SAMD12: variants seen among roughly 807,000 people sequenced by gnomAD.
The protein encoded by SAMD12 is sterile alpha motif domain containing 12, also known as sterile alpha motif domain-containing protein 12.
A neutral mutation model predicts 15.0 loss-of-function variants in SAMD12; 9 were observed. The ratio of observed to expected loss-of-function variants is 0.60; its 90% CI spans 0.36 to 1.05. SAMD12 has a LOEUF of 1.05. Ranked by LOEUF, SAMD12 falls within the 50% of genes least tolerant of loss-of-function variation. The pLI, the probability that SAMD12 is intolerant of heterozygous loss-of-function variation, is 0.01. For synonymous variants in SAMD12, 86 were observed against 90.1 expected, an observed-to-expected ratio of 0.96 and a Z score of 0.25; for missense variants, 230 against 234.2, an observed-to-expected ratio of 0.98 and a Z score of 0.12.
intron 3 of SAMD12, among the ~76,000 whole-genome samples, chr8:118,380,314 C>G (rs151129351): frequency 1.3e-5 from 2 of 152,258 alleles, no homozygotes; most frequent in African/African-American, 4.8e-5. Flanking sequence ...ATCCCAATTA[C>G]TGGCCTAATG....
the SAMD12 span, among the ~76,000 whole-genome samples, chr8:118,136,234 T>C: frequency 6.6e-6 from 1 of 152,088 alleles, no homozygotes. Flanking sequence ...TTCACCATGT[T>C]GGCCAGGCTG....
chr8:118,457,080 A>G lies in SAMD12; in HGVS notation c.193-17119T>C, dbSNP rs1194994623. Among the ~76,000 whole-genome samples the G allele has an allele frequency of 2.0e-5, 3 of 152,354 alleles. No individual in the cohort carries two copies. In the East Asian group the frequency reaches 5.8e-4, roughly 29 times the overall value. On this transcript the variant is annotated intron_variant, in intron 2 of 3. Coordinates refer to ENST00000314727, the MANE Select transcript of SAMD12 (RefSeq NM_207506.3). Reference sequence around the variant, plus strand: ...AAGAATTCAATTAGAAAATAAATGTAAAACATTCTGTTCAGTCCCTGATAC... The same window carrying G: ...AAGAATTCAATTAGAAAATAAATGTGAAACATTCTGTTCAGTCCCTGATAC...
chr8:118,390,014 CT>C (rs904303060), intron 3 of SAMD12, among the ~76,000 whole-genome samples: 48 of 149,030 alleles, frequency 3.2e-4, no homozygotes, highest in Admixed American at 7.4e-4. Context: ...TCAAATTTAA[CT>C]TTTTTTTTTG....
At chr8:118,305,720 C>A (rs1221375654) in intron 4 of SAMD12, among the ~76,000 whole-genome samples, 1 of 152,190 alleles carries the variant, frequency 6.6e-6, no homozygotes, top group Admixed American at 6.5e-5. Flanking sequence ...TCCAGGTCCA[C>A]AACTTGGGTT....
At chr8:118,511,532 T>A (rs1825081574) in intron 2 of SAMD12, among the ~76,000 whole-genome samples, 1 of 152,144 alleles carries the variant, frequency 6.6e-6, no homozygotes, top group South Asian at 2.1e-4. Context: ...ACCTCAGAAC[T>A]AACTTTGCTG....
intron 2 of SAMD12, among the ~76,000 whole-genome samples, chr8:118,569,936 A>T (rs1340028384): frequency 6.6e-6 from 1 of 152,226 alleles, no homozygotes; most frequent in Admixed American, 6.5e-5. Flanking sequence ...CCTTGGAAAT[A>T]ATATTTCAGG....
chr8:118,267,237 A>G (rs913873921), intron 4 of SAMD12, among the ~76,000 whole-genome samples: 9 of 152,290 alleles, frequency 5.9e-5, no homozygotes, highest in Middle Eastern at 6.8e-3. Context: ...AGAAAAAGGC[A>G]TATATATACC....
chr8:118,482,418 G>A (rs1277647758), intron 2 of SAMD12, among the ~76,000 whole-genome samples: 1 of 152,088 alleles, frequency 6.6e-6, no homozygotes, highest in Admixed American at 6.5e-5. Context: ...CTCCAGATCA[G>A]TAGTTTCTAC....
intron 4 of SAMD12, among the ~76,000 whole-genome samples, chr8:118,256,699 TG>T (rs1812947962): frequency 6.6e-6 from 1 of 151,584 alleles, no homozygotes; most frequent in Admixed American, 6.6e-5. Flanking sequence ...TATATGTAAA[TG>T]GCCAGCTCCT....
intron 4 of SAMD12, among the ~76,000 whole-genome samples, chr8:118,235,279 C>T (rs1319538501): frequency 4.0e-5 from 6 of 151,636 alleles, no homozygotes; most frequent in Non-Finnish European, 2.9e-5. Flanking sequence ...GGCGTGATCT[C>T]AGCTCACTGC....
the SAMD12 span, among the ~76,000 whole-genome samples, chr8:118,135,518 A>G: frequency 6.7e-6 from 1 of 149,698 alleles, no homozygotes; most frequent in Non-Finnish European, 1.5e-5. Flanking sequence ...TGAATGAGGA[A>G]TTTTTCCATT....
At chr8:118,445,789 A>C (rs1822894453) in intron 2 of SAMD12, among the ~76,000 whole-genome samples, 1 of 152,186 alleles carries the variant, frequency 6.6e-6, no homozygotes, top group African/African-American at 2.4e-5. Context: ...ATAGTATAAG[A>C]GCCCCTAAAG....
chr8:118,338,703 T>C (rs1467780603), intron 4 of SAMD12, among the ~76,000 whole-genome samples: 1 of 152,206 alleles, frequency 6.6e-6, no homozygotes, highest in Non-Finnish European at 1.5e-5. Context: ...AAGTTCTGTT[T>C]TGCACACAGA....
chr8:118,497,739 G>GGGGGGGGAAAA (rs1824665092), intron 2 of SAMD12, among the ~76,000 whole-genome samples: 1 of 58,244 alleles, frequency 1.7e-5, no homozygotes, highest in African/African-American at 7.7e-5. Context: ...GGGGTGGGGG[G>GGGGGGGGAAAA]AAAGAAAAAA....
intron 2 of SAMD12, among the ~76,000 whole-genome samples, chr8:118,462,066 T>G (rs1298711531): frequency 6.6e-6 from 1 of 152,240 alleles, no homozygotes; most frequent in African/African-American, 2.4e-5. Context: ...TTGTCAGTTT[T>G]GGGTACATGG....
At chr8:118,287,063 T>G (rs1295894832) in intron 4 of SAMD12, among the ~76,000 whole-genome samples, 1 of 152,040 alleles carries the variant, frequency 6.6e-6, no homozygotes, top group African/African-American at 2.4e-5. Flanking sequence ...ATTTTGTGCC[T>G]GGAATGTAAG....
chr8:118,543,860 G>C (rs181208734), intron 2 of SAMD12, among the ~76,000 whole-genome samples: 13 of 152,070 alleles, frequency 8.5e-5, no homozygotes, highest in Middle Eastern at 3.4e-3. Flanking sequence ...TTCTAGAATG[G>C]TCTTTATATT....
At chr8:118,169,836 T>C in the SAMD12 span, among the ~76,000 whole-genome samples, 1 of 152,232 alleles carries the variant, frequency 6.6e-6, no homozygotes, top group Non-Finnish European at 1.5e-5. Context: ...GAGGTAATTT[T>C]TCTCAAAGAC....
chr8:118,533,245 C>A (rs746479331), intron 2 of SAMD12, among the ~76,000 whole-genome samples: 1 of 152,056 alleles, frequency 6.6e-6, no homozygotes, highest in Non-Finnish European at 1.5e-5. Context: ...TGTAGTTGAG[C>A]GGTTTTGAGT....
Sources: gnomAD v4.1 joint callset for allele counts (sites outside exome capture counted in the v4.1 genomes callset) on GRCh38, gnomAD v4.1.1 for gene constraint, MANE v1.5 for transcripts, NCBI Gene and HGNC (gene_info 2026-07-23, HGNC 2026-07-21) for gene names.